The following TNR variants were observed in gnomAD, a reference collection of about 807,000 sequenced individuals.
The protein encoded by TNR is tenascin R.
TNR carries 45 observed loss-of-function variants against 150.4 expected under a neutral mutation model. The ratio of observed to expected loss-of-function variants is 0.30; its 90% CI spans 0.24 to 0.38. The LOEUF (loss-of-function observed/expected upper bound fraction) is 0.38. Among genes scored for constraint, TNR ranks in the 10% least tolerant of loss-of-function variants. The probability of loss-of-function intolerance (pLI) is 1.00; values close to 1 mark genes in which losing one functional copy is unlikely to be tolerated. For missense variants in TNR, 1,544 were observed against 1,759.1 expected, an observed-to-expected ratio of 0.88 and a Z score of 2.19; for synonymous variants, 687 against 678.4, an observed-to-expected ratio of 1.01 and a Z score of -0.20.
chr1:175,554,484 CAGAT>C (rs1227638706), intron 1 of TNR, among the ~76,000 whole-genome samples: 2 of 152,090 alleles, frequency 1.3e-5, no homozygotes, highest in Non-Finnish European at 2.9e-5. Flanking sequence ...AGGGAATTGA[CAGAT>C]AGCATAGGGT....
intron 2 of TNR, among the ~76,000 whole-genome samples, chr1:175,503,913 G>T (rs184239277): frequency 3.9e-5 from 6 of 152,174 alleles, no homozygotes; most frequent in African/African-American, 7.2e-5. Context: ...AATTGTGCCC[G>T]CATGGAATGC....
At chr1:175,396,132 A>T (rs1248787351) in intron 5 of TNR, among the ~76,000 whole-genome samples, 1 of 152,204 alleles carries the variant, frequency 6.6e-6, no homozygotes, top group Non-Finnish European at 1.5e-5. Context: ...ACTTTGCTAT[A>T]CACTTATGGT....
At chr1:175,714,683 G>A (rs1667106795) in intron 1 of TNR, among the ~76,000 whole-genome samples, 1 of 152,218 alleles carries the variant, frequency 6.6e-6, no homozygotes, top group Non-Finnish European at 1.5e-5. Context: ...GAACTCCTAA[G>A]TGGAAAATCG....
chr1:175,461,998 A>G (rs1225696130), intron 2 of TNR, among the ~76,000 whole-genome samples: 1 of 152,192 alleles, frequency 6.6e-6, no homozygotes, highest in Non-Finnish European at 1.5e-5. Context: ...CCAGATTTGA[A>G]ATATGGATGT....
intron 8 of TNR, among the ~76,000 whole-genome samples, chr1:175,380,367 C>T (rs1571362093): frequency 1.3e-5 from 2 of 152,080 alleles, no homozygotes; most frequent in East Asian, 3.9e-4. Context: ...GTAAAAGGGG[C>T]AAATCATACC....
At chr1:175,682,603 G>A (rs993798653) in intron 1 of TNR, among the ~76,000 whole-genome samples, 19 of 152,108 alleles carry the variant, frequency 1.2e-4, no homozygotes, top group African/African-American at 4.1e-4. Flanking sequence ...TTATGATCAC[G>A]CCTTATGATT....
intron 9 of TNR, 23 bp downstream of exon 9, chr1:175,379,529 C>G: frequency 6.2e-7 from 1 of 1,605,244 alleles, no homozygotes; most frequent in Non-Finnish European, 8.5e-7. Context: ...CCAGCATAAC[C>G]CCAAGAGATA....
At chr1:175,454,425 A>T (rs900677066) in intron 2 of TNR, among the ~76,000 whole-genome samples, 2 of 152,224 alleles carry the variant, frequency 1.3e-5, no homozygotes, top group Admixed American at 6.5e-5. Context: ...TGTGCTCTGC[A>T]GTCCAGCAGA....
At chr1:175,627,463 T>C (rs1664188741) in intron 1 of TNR, among the ~76,000 whole-genome samples, 1 of 152,204 alleles carries the variant, frequency 6.6e-6, no homozygotes, top group South Asian at 2.1e-4. Flanking sequence ...GAAAAGGAGT[T>C]ACTAGCTTCA....
At chr1:175,331,037 C>CTTTCTTTCTTTCTTTCT (rs1649758954) in intron 20 of TNR, among the ~76,000 whole-genome samples, 9 of 72,532 alleles carry the variant, frequency 1.2e-4, no homozygotes, top group African/African-American at 3.6e-4. Flanking sequence ...TTCTTTCTTT[C>CTTTCTTTCTTTCTTTCT]TTTCTTTCTT....
In TNR at chr1:175,354,372, A is replaced by T; in HGVS notation, c.3382+19T>A. 6.2e-7 allele frequency: 1 copy of T among 1,612,184 alleles called. No homozygotes were observed. The highest frequency in any genetic ancestry group is 8.5e-7 in the Non-Finnish European group (1 of 1,178,910). ...CAGGAAGTGGAGAAGAAGGCATCAAAGTGGCCATGCTCCCTCACCTGTGGT... is the reference window on the plus strand; with the variant it reads ...CAGGAAGTGGAGAAGAAGGCATCAATGTGGCCATGCTCCCTCACCTGTGGT... On this transcript the variant is annotated intron_variant, in intron 18 of 22. Coordinates refer to ENST00000367674, the MANE Select transcript of TNR (RefSeq NM_003285.3).
intron 3 of TNR, among the ~76,000 whole-genome samples, chr1:175,405,253 G>A (rs1202021460): frequency 2.0e-5 from 3 of 152,182 alleles, no homozygotes; most frequent in East Asian, 1.9e-4. Flanking sequence ...TTGCTTATAC[G>A]TTACTTACAG....
chr1:175,410,446 C>A (rs1227804133), intron 2 of TNR, among the ~76,000 whole-genome samples: 1 of 152,206 alleles, frequency 6.6e-6, no homozygotes, highest in Non-Finnish European at 1.5e-5. Context: ...GTGATAATTA[C>A]CATGGCTAAC....
chr1:175,657,853 GTATATATATATATATATA>G (rs59315046), intron 1 of TNR, among the ~76,000 whole-genome samples: 4 of 70,460 alleles, frequency 5.7e-5, no homozygotes, highest in African/African-American at 1.8e-4. Context: ...CATGGAACAT[GTATATATATATATATATA>G]TATATATATA....
At chr1:175,659,895 T>A (rs1158597983) in intron 1 of TNR, among the ~76,000 whole-genome samples, 1 of 125,676 alleles carries the variant, frequency 8.0e-6, no homozygotes, top group African/African-American at 3.0e-5. Context: ...CCTTTGGGTG[T>A]CATTTTTTTT....
Position 175,363,861 on chromosome 1 carries a change from G to A in TNR, c.2588-34C>T, listed in dbSNP as rs373843855. ...ACCCAGTGATTGTGGGAAAAAGACA[G>A]AAAGCACAGTGTGAAAAAGAAATTC... is the stretch of plus-strand genomic sequence containing the variant. On this transcript the variant is annotated intron_variant, in intron 12 of 22. Coordinates refer to ENST00000367674, the MANE Select transcript of TNR (RefSeq NM_003285.3). 5 of 1,589,750 alleles carry A rather than the reference G, an allele frequency of 3.1e-6. No individual in the cohort carries two copies. In the African/African-American group the frequency reaches 6.8e-5, roughly 21 times the overall value.
At chr1:175,562,808 T>C (rs1198564147) in intron 1 of TNR, among the ~76,000 whole-genome samples, 1 of 152,170 alleles carries the variant, frequency 6.6e-6, no homozygotes, top group East Asian at 1.9e-4. Flanking sequence ...AGCAGTCCAT[T>C]TTGCTTTTTC....
intron 2 of TNR, among the ~76,000 whole-genome samples, chr1:175,505,261 C>T (rs1036415096): frequency 1.3e-5 from 2 of 152,220 alleles, no homozygotes; most frequent in African/African-American, 4.8e-5. Flanking sequence ...CGACAGGAAG[C>T]CTGGCTCCCC....
intron 2 of TNR, among the ~76,000 whole-genome samples, chr1:175,519,993 C>T (rs1207847025): frequency 6.6e-6 from 1 of 152,138 alleles, no homozygotes; most frequent in African/African-American, 2.4e-5. Flanking sequence ...TGAATTCATG[C>T]AAATTATTTA....
Sources: gnomAD v4.1 joint callset for allele counts (sites outside exome capture counted in the v4.1 genomes callset) on GRCh38, gnomAD v4.1.1 for gene constraint, MANE v1.5 for transcripts, NCBI Gene and HGNC (gene_info 2026-07-23, HGNC 2026-07-21) for gene names.